PCDHGB6: variants seen among roughly 807,000 people sequenced by gnomAD.
PCDHGB6 encodes the protein protocadherin gamma subfamily B, 6, also known as protocadherin gamma-B6.
In PCDHGB6, 51 loss-of-function variants were observed where a neutral mutation model predicts 59.1. That is an observed-to-expected ratio of 0.86 (90% CI 0.69 to 1.09). The LOEUF (loss-of-function observed/expected upper bound fraction) is 1.09, where lower values mean the gene tolerates loss of function less well. Among genes scored for constraint, PCDHGB6 ranks in the 50% least tolerant of loss-of-function variants. The pLI, the probability that PCDHGB6 is intolerant of heterozygous loss-of-function variation, is 0.00. For missense variants in PCDHGB6, 1,148 were observed against 1,205.1 expected, an observed-to-expected ratio of 0.95 and a Z score of 0.70; for synonymous variants, 466 against 495.1, an observed-to-expected ratio of 0.94 and a Z score of 0.78.
chr5:141,409,220 G>A lies in PCDHGB6; in HGVS notation c.1018G>A (p.Glu340Lys), dbSNP rs1327857530. Residue 340 changes from glutamate (E) to lysine (K), a missense_variant, in exon 1 of 4, where the codon GAA (glutamate) becomes AAA (lysine). By Grantham distance (56) the Glu-to-Lys change is moderately conservative. Transcript: ENST00000520790. ...QCKVIIEILDENDNSPEIIIT... is the reference protein window; with the variant it reads ...QCKVIIEILDKNDNSPEIIIT... ...TAAAGTAATCATAGAAATCCTTGATGAAAACGACAACAGCCCAGAAATAAT... is the reference window on the plus strand; with the variant it reads ...TAAAGTAATCATAGAAATCCTTGATAAAAACGACAACAGCCCAGAAATAAT... 1 of 1,613,988 alleles carries A rather than the reference G, an allele frequency of 6.2e-7. No individual in the cohort carries two copies. Among genetic ancestry groups the A allele is most frequent in the Non-Finnish European group, 8.5e-7 (1 of 1,179,888 alleles).
chr5:141,471,635 A>G (rs1477641248), intron 1 of PCDHGB6: 1 of 152,224 alleles, frequency 6.6e-6, no homozygotes, highest in Non-Finnish European at 1.5e-5. Context: ...GGTATGGATT[A>G]GTAATATACT....
intron 2 of PCDHGB6, among the ~76,000 whole-genome samples, chr5:141,496,733 C>A (rs1221912777): frequency 6.6e-6 from 1 of 152,138 alleles, no homozygotes; most frequent in Non-Finnish European, 1.5e-5. Context: ...TGTATTCATT[C>A]GTTCATTTAT....
intron 1 of PCDHGB6, among the ~76,000 whole-genome samples, chr5:141,488,463 C>T (rs926068842): frequency 6.6e-6 from 1 of 152,164 alleles, no homozygotes; most frequent in African/African-American, 2.4e-5. Flanking sequence ...GATTCAGCCC[C>T]AGAAATGTTC....
intron 1 of PCDHGB6, among the ~76,000 whole-genome samples, chr5:141,488,655 G>C (rs1438020338): frequency 6.6e-6 from 1 of 152,164 alleles, no homozygotes. Flanking sequence ...GATGGGGGAG[G>C]GTGGGGGAAT....
At position 141,413,154 on chromosome 5, in the gene PCDHGB6, A is replaced by C. The variant is rs1308503780; in HGVS notation, c.2418+2534A>C. 10 of 1,576,026 alleles carry C rather than the reference A, an allele frequency of 6.3e-6. No homozygotes were observed. In the South Asian group the frequency reaches 1.2e-4, roughly 18 times the overall value. ...ACAACGTGTCCAGTGAGGACTTTGC[A>C]GAATTCTGTAACCAGACTACAATGG... On this transcript the variant is annotated intron_variant, in intron 1 of 3. Coordinates refer to ENST00000520790, the MANE Select transcript of PCDHGB6 (RefSeq NM_018926.3).
chr5:141,448,720 C>T (rs545687728), intron 1 of PCDHGB6, among the ~76,000 whole-genome samples: 24 of 152,030 alleles, frequency 1.6e-4, no homozygotes, highest in African/African-American at 5.8e-4. Flanking sequence ...GCGGGAGGAT[C>T]ACGAGGTCAG....
At chr5:141,427,986 G>C in intron 1 of PCDHGB6, 1 of 1,598,018 alleles carries the variant, frequency 6.3e-7, no homozygotes, top group East Asian at 2.2e-5. Context: ...GCTGGGGCCC[G>C]ATGGCTCCGC....
intron 1 of PCDHGB6, chr5:141,420,313 C>T (rs751944742): frequency 1.6e-5 from 23 of 1,434,756 alleles, no homozygotes; most frequent in Non-Finnish European, 2.2e-5. Flanking sequence ...TTTTATATTA[C>T]AATATGCCAA....
intron 1 of PCDHGB6, among the ~76,000 whole-genome samples, chr5:141,473,873 C>CA (rs1471085914): frequency 2.6e-5 from 4 of 152,130 alleles, no homozygotes; most frequent in African/African-American, 7.2e-5. Flanking sequence ...GTGGAGAATG[C>CA]ATACACAAGG....
chr5:141,496,152 C>T (rs771462960), intron 2 of PCDHGB6, among the ~76,000 whole-genome samples: 2 of 152,080 alleles, frequency 1.3e-5, no homozygotes, highest in Non-Finnish European at 1.5e-5. Flanking sequence ...GATCGCAGCT[C>T]TCCACCAGAC....
intron 1 of PCDHGB6, chr5:141,427,783 C>T (rs765131117): frequency 1.4e-6 from 2 of 1,460,966 alleles, no homozygotes; most frequent in Non-Finnish European, 1.9e-6. Flanking sequence ...CGGGCACTGT[C>T]GTCCTACGTG....
At position 141,491,765 on chromosome 5, in the gene PCDHGB6, A is replaced by C; in HGVS notation, c.2419-3042A>C. 1 of 1,569,230 alleles carries C rather than the reference A, an allele frequency of 6.4e-7. No homozygotes were observed. On this transcript the variant is annotated intron_variant, in intron 1 of 3. Coordinates refer to ENST00000520790, the MANE Select transcript of PCDHGB6 (RefSeq NM_018926.3). This position sits in a 1 kb window ranked among gnomAD's most constrained non-coding sequence, Gnocchi z 6.9. The stretch of plus-strand genomic sequence containing the variant: ...GGCACTGGAGAAGCCGCCCGTCCTC[A>C]TAAGGGATTGAACTTGCATCCACTC...
chr5:141,411,921 T>C (rs1426892834), intron 1 of PCDHGB6: 1 of 152,234 alleles, frequency 6.6e-6, no homozygotes, highest in Non-Finnish European at 1.5e-5. Context: ...TCAGTCTCTG[T>C]CTCTGATTCT....
chr5:141,438,714 G>A (rs1051491309), intron 1 of PCDHGB6, among the ~76,000 whole-genome samples: 1 of 147,786 alleles, frequency 6.8e-6, no homozygotes, highest in South Asian at 2.2e-4. Flanking sequence ...AGGCTGGAGT[G>A]CAAGTGGTGT....
At chr5:141,417,052 CTT>C (rs1308339867) in intron 1 of PCDHGB6, 2 of 151,464 alleles carry the variant, frequency 1.3e-5, no homozygotes, top group African/African-American at 4.9e-5. Context: ...AAAAACTGCT[CTT>C]GACATTGTAG....
chr5:141,510,833 C>T (rs2099882936), intron 3 of PCDHGB6, 114 bp from the exon 4 acceptor site: 46 of 1,577,678 alleles, frequency 2.9e-5, no homozygotes, highest in South Asian at 2.5e-4. Context: ...CAGTGCTCAG[C>T]GTGGTCAAGG....
In PCDHGB6 at chr5:141,485,111, G is replaced by C. The variant is rs2099607127; in HGVS notation, c.2419-9696G>C. On this transcript the variant is annotated intron_variant, in intron 1 of 3. Coordinates refer to ENST00000520790, the MANE Select transcript of PCDHGB6 (RefSeq NM_018926.3). The surrounding 1 kb of genome is among the most constrained non-coding windows in gnomAD (Gnocchi z 5.7). The stretch of plus-strand genomic sequence containing the variant: ...ATAGGTGTCTCCAGCTGCTGTGGCT[G>C]TTTGGGGCGGGTCGGCTTCATCCGC... 5.4e-6 allele frequency: 7 copies of C among 1,287,562 alleles called. No individual in the cohort carries two copies. The highest frequency in any genetic ancestry group is 7.8e-6 in the Non-Finnish European group (7 of 899,436). 79.8% of individuals were successfully genotyped at this position (1,287,562 alleles called of 1,614,324 possible). A position where few individuals can be genotyped will look rare whatever the true frequency, so the allele number is the denominator to read the frequency against.
Position 141,511,151 on chromosome 5 carries a change from C to T in PCDHGB6, c.2771C>T (p.Ser924Leu), listed in dbSNP as rs202071188. The T allele has an allele frequency of 3.0e-5, 49 of 1,614,152 alleles. No individual in the cohort carries two copies. The highest frequency in any genetic ancestry group is 2.6e-4 in the South Asian group (24 of 91,066). The change falls in exon 4 of 4, where the codon TCG becomes TTG. Residue 924 changes from serine (S) to leucine (L), a missense_variant. Ser to Leu is a moderately radical substitution (Grantham distance 145, BLOSUM62 -2). Coordinates refer to ENST00000520790, the MANE Select transcript of PCDHGB6 (RefSeq NM_018926.3). ...GGTGGCAATGGCAACAAGAAGAAGT[C>T]GGGCAAGAAGGAGAAGAAGTAACAT... ...PAGGNGNKKK[S>L]GKKEKK
At chr5:141,508,538 G>C (rs1383873129) in intron 3 of PCDHGB6, among the ~76,000 whole-genome samples, 1 of 152,120 alleles carries the variant, frequency 6.6e-6, no homozygotes, top group African/African-American at 2.4e-5. Flanking sequence ...CACCCCCCAC[G>C]AGGTGGGCGG....
Sources: gnomAD v4.1 joint callset for allele counts (sites outside exome capture counted in the v4.1 genomes callset) on GRCh38, gnomAD v4.1.1 for gene constraint, Gnocchi (gnomAD v3.1) non-coding constraint, MANE v1.5 for transcripts, NCBI Gene and HGNC (gene_info 2026-07-23, HGNC 2026-07-21) for gene names.